The following GRK2 variants were observed in gnomAD, a reference collection of about 807,000 sequenced individuals.
The protein encoded by GRK2 is adrenergic beta receptor kinase 1.
GRK2 carries 23 observed loss-of-function variants against 97.8 expected under a neutral mutation model. The observed-to-expected ratio is 0.24, with a 90% confidence interval of 0.17 to 0.33. The LOEUF (loss-of-function observed/expected upper bound fraction) is 0.33, where lower values mean the gene tolerates loss of function less well. Ranked by LOEUF, GRK2 falls within the 10% of genes least tolerant of loss-of-function variation. The pLI, the probability that GRK2 is intolerant of heterozygous loss-of-function variation, is 1.00. For synonymous variants in GRK2, 425 were observed against 381.7 expected, an observed-to-expected ratio of 1.11 and a Z score of -1.32; for missense variants, 633 against 956.9, an observed-to-expected ratio of 0.66 and a Z score of 4.47.
intron 1 of GRK2, among the ~76,000 whole-genome samples, chr11:67,274,051 C>T (rs1248479996): frequency 2.1e-5 from 3 of 141,282 alleles, no homozygotes; most frequent in African/African-American, 7.9e-5. Context: ...CTCACTCTGT[C>T]ACCCAGGCTG....
rs1342052677 is a variant in GRK2 at position 67,276,895 on chromosome 11, T to A, written c.114-377T>A. 5.6e-6 allele frequency: 1 copy of A among 177,370 alleles called. No homozygotes were observed. Among genetic ancestry groups the A allele is most frequent in the Non-Finnish European group, 1.2e-5 (1 of 82,744 alleles). The allele number at this position is 177,370 out of a possible 1,614,324, so 11.0% of individuals were successfully genotyped here. On this transcript the variant is annotated intron_variant, in intron 1 of 20. Transcript: ENST00000308595. The surrounding 1 kb of genome is among the most constrained non-coding windows in gnomAD (Gnocchi z 4.2). Reference sequence around the variant, plus strand: ...TTTTTACAGCCGAGCCATGTGCTGCTGCGTGGAGATGCCACATGTGTGTCT... The same window carrying A: ...TTTTTACAGCCGAGCCATGTGCTGCAGCGTGGAGATGCCACATGTGTGTCT...
At chr11:67,273,592 C>T (rs1385471399) in intron 1 of GRK2, among the ~76,000 whole-genome samples, 1 of 152,194 alleles carries the variant, frequency 6.6e-6, no homozygotes, top group East Asian at 1.9e-4. Flanking sequence ...ACAGGAAACC[C>T]TAAAATTGCC....
At position 67,277,276 on chromosome 11, in the gene GRK2, C is replaced by A; in HGVS notation, c.118C>A (p.Arg40Ser). The A allele has an allele frequency of 6.2e-7, 1 of 1,613,590 alleles. No individual in the cohort carries two copies. The highest frequency in any genetic ancestry group is 1.1e-5 in the South Asian group (1 of 91,072). Reference protein sequence around the residue: ...KKILLPEPSIRSVMQKYLEDR... With the variant: ...KKILLPEPSISSVMQKYLEDR... ...CTGCGCCCCCCTGACCCACAGCATC[C>A]GCAGTGTCATGCAGAAGTACCTGGA... The change falls in exon 2 of 21, where the codon CGC becomes AGC. Residue 40 changes from arginine to serine, a missense_variant. Around this residue, in one of 4 missense-constraint regions of GRK2, gnomAD observed 193 missense variants for 212.2 expected, o/e 0.91. Transcript: ENST00000308595.
intron 2 of GRK2, among the ~76,000 whole-genome samples, chr11:67,278,428 C>T (rs1860078608): frequency 1.3e-5 from 2 of 152,178 alleles, no homozygotes; most frequent in South Asian, 2.1e-4. Flanking sequence ...CTGAGAGCCC[C>T]TCCCACAGCC....
At chr11:67,283,065 T>C in intron 14 of GRK2, 63 bp from the exon 15 acceptor site, 2 of 1,528,730 alleles carry the variant, frequency 1.3e-6, no homozygotes, top group Non-Finnish European at 1.8e-6. Flanking sequence ...CTCTCTCCCC[T>C]GAGCTGGGAT....
intron 6 of GRK2, chr11:67,280,176 C>T (rs777300961): frequency 3.9e-6 from 2 of 518,454 alleles, no homozygotes; most frequent in Non-Finnish European, 7.0e-6. Flanking sequence ...GTGCCTCTTT[C>T]TCTCCCGTGG....
At chr11:67,271,458 G>C (rs1270584220) in intron 1 of GRK2, among the ~76,000 whole-genome samples, 4 of 152,242 alleles carry the variant, frequency 2.6e-5, no homozygotes, top group Non-Finnish European at 5.9e-5. Context: ...TGTTTGGGAT[G>C]GGGGATAACC....
Position 67,281,544 on chromosome 11 carries a change from C to T in GRK2, c.733C>T (p.Leu245Phe), listed in dbSNP as rs1160780700. 3 of 1,613,446 alleles carry T rather than the reference C, an allele frequency of 1.9e-6. No individual in the cohort carries two copies. Among genetic ancestry groups the T allele is most frequent in the Non-Finnish European group, 2.5e-6 (3 of 1,179,920 alleles). Residue 245 changes from leucine (L) to phenylalanine (F), a missense_variant, in exon 9 of 21, where the codon CTC (leucine) becomes TTC (phenylalanine). Leu to Phe is a conservative substitution (Grantham distance 22). Around this residue, in one of 4 missense-constraint regions of GRK2, gnomAD observed 192 missense variants for 362.3 expected, o/e 0.53. Transcript: ENST00000308595. This position sits in a 1 kb window ranked among gnomAD's most constrained non-coding sequence, Gnocchi z 5.7. ...LALNERIMLS[L>F]VSTGDCPFIV... ...CCTGAACGAGCGCATCATGCTCTCG[C>T]TCGTCAGCACTGGGGTGAGCTGGGT...
intron 15 of GRK2, 156 bp from the exon 16 acceptor site, chr11:67,283,551 G>T: frequency 1.3e-6 from 1 of 749,336 alleles, no homozygotes; most frequent in Non-Finnish European, 2.2e-6. Context: ...ACAACCCTAC[G>T]ATGTAGGAAC....
At chr11:67,268,757 A>G (rs1000838642) in intron 1 of GRK2, among the ~76,000 whole-genome samples, 13 of 152,168 alleles carry the variant, frequency 8.5e-5, no homozygotes, top group Non-Finnish European at 1.5e-4. Flanking sequence ...AGCAATAATG[A>G]TAGGAATTAT....
In GRK2 at chr11:67,283,398, G is replaced by A. The variant is rs1044549666; in HGVS notation, c.1328+170G>A. ...TCTCAGAGTGGAGGGGCTGCCCTGGGAGTTGGAGCTGCTGGAACCAGCTAG... is the reference window on the plus strand; with the variant it reads ...TCTCAGAGTGGAGGGGCTGCCCTGGAAGTTGGAGCTGCTGGAACCAGCTAG... On this transcript the variant is annotated intron_variant, in intron 15 of 20. Coordinates refer to ENST00000308595, the MANE Select transcript of GRK2 (RefSeq NM_001619.5). 13 of 653,314 alleles carry A rather than the reference G, an allele frequency of 2.0e-5. No individual in the cohort carries two copies. The African/African-American group carries it at 2.4e-4, about 12-fold the overall frequency. The allele number at this position is 653,314 out of a possible 1,614,324, so 40.5% of individuals were successfully genotyped here. A position where few individuals can be genotyped will look rare whatever the true frequency, so the allele number is the denominator to read the frequency against.
Position 67,285,539 on chromosome 11 carries a change from G to A in GRK2, c.*89G>A. On this transcript the variant is annotated 3_prime_UTR_variant, in exon 21 of 21. Coordinates refer to ENST00000308595, the MANE Select transcript of GRK2 (RefSeq NM_001619.5). ...CGCCAAGCGGAAAAGGTTTTATTTT[G>A]TAATTATTGTGATTTCCCGTGGCCC... 1 of 1,405,914 alleles carries A rather than the reference G, an allele frequency of 7.1e-7. No homozygotes were observed. Among genetic ancestry groups the A allele is most frequent in the Non-Finnish European group, 9.3e-7 (1 of 1,074,132 alleles). The allele number at this position is 1,405,914 out of a possible 1,614,324, so 87.1% of individuals were successfully genotyped here.
At chr11:67,277,149 C>T (rs1031958494) in intron 1 of GRK2, 123 bp from the exon 2 acceptor site, 13 of 856,096 alleles carry the variant, frequency 1.5e-5, no homozygotes, top group African/African-American at 1.2e-4. Context: ...GTAGGCCTGA[C>T]GGGCTGGCCT....
intron 2 of GRK2, 26 bp from the exon 3 acceptor site, chr11:67,279,174 C>G (rs1860094005): frequency 6.2e-7 from 1 of 1,604,690 alleles, no homozygotes; most frequent in African/African-American, 1.3e-5. Flanking sequence ...AGGCGTGGCT[C>G]TGTGACCTTA....
intron 18 of GRK2, 61 bp from the exon 19 acceptor site, chr11:67,284,786 T>G: frequency 2.5e-6 from 4 of 1,574,264 alleles, no homozygotes; most frequent in Non-Finnish European, 3.5e-6. Flanking sequence ...GGAGACCCTG[T>G]CTCAAAACAA....
intron 18 of GRK2, 194 bp downstream of exon 18, chr11:67,284,567 T>C (rs1860229180): frequency 8.2e-6 from 6 of 732,250 alleles, no homozygotes; most frequent in South Asian, 7.6e-5. Context: ...CGCAGATCAC[T>C]TGAGGTCAGG....
intron 1 of GRK2, among the ~76,000 whole-genome samples, chr11:67,273,717 G>GT (rs1859960574): frequency 6.6e-6 from 1 of 152,118 alleles, no homozygotes; most frequent in South Asian, 2.1e-4. Flanking sequence ...TTCTTTTTAA[G>GT]GAAGAAAGTG....
intron 14 of GRK2, 78 bp from the exon 15 acceptor site, chr11:67,283,050 G>A: frequency 6.9e-7 from 1 of 1,445,916 alleles, no homozygotes; most frequent in Non-Finnish European, 9.7e-7. Context: ...CGGGGGCCTG[G>A]ACCCCTCTCT....
chr11:67,275,811 A>C (rs1018854718), intron 1 of GRK2, among the ~76,000 whole-genome samples: 7 of 152,240 alleles, frequency 4.6e-5, no homozygotes, highest in Non-Finnish European at 8.8e-5. Context: ...CCTTCTCCAC[A>C]CAGGCTTTCC....
Sources: allele counts gnomAD v4.1 joint callset (sites outside exome capture counted in the v4.1 genomes callset), GRCh38; gene constraint gnomAD v4.1.1; regional missense constraint gnomAD v4.1.1; non-coding constraint Gnocchi (gnomAD v3.1); transcripts MANE v1.5; gene names NCBI Gene and HGNC (gene_info 2026-07-23, HGNC 2026-07-21).